Variants in LIMK2 observed in about 807,000 individuals in gnomAD.
LIMK2 encodes LIM domain kinase 2.
Under a neutral mutation model 75.7 loss-of-function variants are expected in LIMK2, and 35 were observed. The ratio of observed to expected loss-of-function variants is 0.46; its 90% CI spans 0.35 to 0.61. LIMK2 has a LOEUF of 0.61. Among genes scored for constraint, LIMK2 ranks in the 20% least tolerant of loss-of-function variants. The probability of loss-of-function intolerance (pLI) is 0.00; values close to 1 mark genes in which losing one functional copy is unlikely to be tolerated. For synonymous variants in LIMK2, 301 were observed against 319.2 expected, an observed-to-expected ratio of 0.94 and a Z score of 0.61; for missense variants, 623 against 831.0, an observed-to-expected ratio of 0.75 and a Z score of 3.08.
At chr22:31,249,000 T>C (rs1339399481) in intron 2 of LIMK2, among the ~76,000 whole-genome samples, 2 of 152,154 alleles carry the variant, frequency 1.3e-5, no homozygotes, top group Admixed American at 6.5e-5. Context: ...GAGCTCCAGC[T>C]CCCCTTCTAT....
intron 9 of LIMK2, among the ~76,000 whole-genome samples, 160 bp downstream of exon 9, chr22:31,267,230 C>T (rs1471244866): frequency 1.3e-5 from 2 of 152,052 alleles, no homozygotes; most frequent in African/African-American, 2.4e-5. Flanking sequence ...TAAATTACAG[C>T]GTAATTATTT....
intron 1 of LIMK2, among the ~76,000 whole-genome samples, chr22:31,214,106 C>G (rs551548792): frequency 6.6e-6 from 1 of 152,078 alleles, no homozygotes; most frequent in Non-Finnish European, 1.5e-5. Flanking sequence ...CGTGAGCCAC[C>G]GCACCCGGCC....
rs765174488 is a variant in LIMK2 at position 31,262,749 on chromosome 22, C to T, written c.812C>T (p.Thr271Ile). 28 of 1,613,622 alleles carry T rather than the reference C, an allele frequency of 1.7e-5. No individual in the cohort carries two copies. Among genetic ancestry groups the T allele is most frequent in the Middle Eastern group, 1.6e-4 (1 of 6,080 alleles). ...GHPHALSTLD[T>I]KENLEGTLRR... ...CCCCACGCCCTCAGCACCCTGGACA[C>T]CAAGGAGAATCTGGAGGGGACACTG... Residue 271 changes from threonine (T) to isoleucine (I), a missense_variant, in exon 7 of 16, where the codon ACC becomes ATC. Around this residue, in one of 3 missense-constraint regions of LIMK2, gnomAD observed 514 missense variants for 661.3 expected, o/e 0.78. Transcript: ENST00000331728. This position sits in a 1 kb window ranked among gnomAD's most constrained non-coding sequence, Gnocchi z 5.0.
In LIMK2 at chr22:31,231,028, G is replaced by A. The variant is rs558899186; in HGVS notation, c.116+5209G>A. ...TACCTACTTCGAGAATAGGGAAATG[G>A]AGGTTACTTGTTTAAAGTCACAGAG... On this transcript the variant is annotated intron_variant, in intron 2 of 15. Transcript: ENST00000331728. Among the ~76,000 whole-genome samples, 5 of 152,320 alleles carry A rather than the reference G, an allele frequency of 3.3e-5. No individual in the cohort carries two copies. In the South Asian group the frequency reaches 1.0e-3, roughly 32 times the overall value.
At chr22:31,247,581 A>T (rs2048682858) in intron 2 of LIMK2, among the ~76,000 whole-genome samples, 1 of 152,170 alleles carries the variant, frequency 6.6e-6, no homozygotes. Flanking sequence ...TTTTCTCCTT[A>T]AAGAGCCAGA....
rs150987670 is a variant in LIMK2, at chr22:31,248,220, C to T, written c.117-10071C>T. ...TGTCTGCAGCGCCTGCCTGCAGCCT[C>T]GATCCAGCCCAGCTCCACCCCTTGC... On this transcript the variant is annotated intron_variant, in intron 2 of 15. Coordinates refer to ENST00000331728, the MANE Select transcript of LIMK2 (RefSeq NM_005569.4). 3,534 of 531,142 alleles carry T rather than the reference C, an allele frequency of 6.7e-3. 32 individuals are homozygous for T. Among genetic ancestry groups the T allele is most frequent in the South Asian group, 0.017 (788 of 47,680 alleles). The allele number at this position is 531,142 out of a possible 1,614,324, so 32.9% of individuals were successfully genotyped here.
chr22:31,273,199 G>A (rs1372879800), intron 13 of LIMK2: 1 of 257,028 alleles, frequency 3.9e-6, no homozygotes, highest in African/African-American at 2.3e-5. Flanking sequence ...ATGAACCCTA[G>A]TCTGGTTCTT....
intron 7 of LIMK2, among the ~76,000 whole-genome samples, chr22:31,265,524 C>G (rs952309134): frequency 3.6e-4 from 54 of 151,194 alleles, no homozygotes; most frequent in African/African-American, 1.2e-3. Context: ...GTTGACAGAG[C>G]GAGACTCTGT....
intron 2 of LIMK2, among the ~76,000 whole-genome samples, chr22:31,231,752 A>T (rs535240886): frequency 1.3e-5 from 2 of 152,338 alleles, no homozygotes; most frequent in Admixed American, 1.3e-4. Context: ...GATAACTGAT[A>T]TTAATTAAAC....
At chr22:31,268,258 G>A (rs2048916532) in intron 11 of LIMK2, 58 bp downstream of exon 11, 2 of 1,430,266 alleles carry the variant, frequency 1.4e-6, no homozygotes, top group Non-Finnish European at 2.0e-6. Flanking sequence ...TGTGAGAATT[G>A]TGGGCTTCAC....
At position 31,275,758 on chromosome 22, in the gene LIMK2, T is replaced by C. The variant is rs534903150; in HGVS notation, c.1772+450T>C. The C allele has an allele frequency of 7.7e-5, 12 of 156,672 alleles. No individual in the cohort carries two copies. The South Asian group carries it at 2.1e-3, about 28-fold the overall frequency. 9.7% of individuals were successfully genotyped at this position (156,672 alleles called of 1,614,324 possible). ...ATTGAGAGACTGTCTGAACATATTG[T>C]AATGTAGATGTTCAGGTTTTTCCAG... is the stretch of plus-strand genomic sequence containing the variant. On this transcript the variant is annotated intron_variant, in intron 15 of 15. Transcript: ENST00000331728.
In LIMK2 at chr22:31,272,667, G is replaced by A; in HGVS notation, c.1521G>A (p.Val507=). The A allele has an allele frequency of 6.2e-7, 1 of 1,613,032 alleles. No homozygotes were observed. Among genetic ancestry groups the A allele is most frequent in the Non-Finnish European group, 8.5e-7 (1 of 1,179,580 alleles). ...KNDRKKRYTV[V]GNPYWMAPEM... ...ACCGCAAGAAGCGCTACACGGTGGT[G>A]GGAAACCCCTACTGGATGGCCCCTG... Residue 507 remains valine (V), a synonymous_variant, in exon 13 of 16, where the codon GTG becomes GTA. Transcript: ENST00000331728.
chr22:31,267,594 G>A (rs2048908819), intron 9 of LIMK2, among the ~76,000 whole-genome samples, 182 bp from the exon 10 acceptor site: 1 of 152,200 alleles, frequency 6.6e-6, no homozygotes, highest in Non-Finnish European at 1.5e-5. Flanking sequence ...GGCCTATGAA[G>A]CCATCTCCAT....
At chr22:31,248,640 G>T (rs774517897) in intron 2 of LIMK2, 12 of 1,613,540 alleles carry the variant, frequency 7.4e-6, no homozygotes, top group Non-Finnish European at 9.3e-6. Flanking sequence ...GGCCTGTCAT[G>T]GTGGCCATCT....
chr22:31,277,373 G>A, intron 15 of LIMK2: 1 of 1,353,254 alleles, frequency 7.4e-7, no homozygotes. Context: ...CTGCGGCACG[G>A]GCCCTTTAAT....
intron 2 of LIMK2, among the ~76,000 whole-genome samples, chr22:31,242,249 C>CA (rs2048629263): frequency 6.6e-6 from 1 of 152,212 alleles, no homozygotes. Flanking sequence ...TCCTGATGAT[C>CA]AGCTCCTTTT....
intron 15 of LIMK2, chr22:31,277,739 G>GT (rs1476160359): frequency 6.2e-6 from 1 of 160,678 alleles, no homozygotes; most frequent in African/African-American, 2.4e-5. Flanking sequence ...TTCTAGCATG[G>GT]TATCTACTGT....
rs1413964832 is a variant in LIMK2, at chr22:31,225,729, T to G, written c.26T>G (p.Val9Gly). The change falls in exon 2 of 16, where the codon GTC (valine) becomes GGC (glycine). Residue 9 changes from valine to glycine, a missense_variant. Transcript: ENST00000331728. ...TTGGTTTTGTGTGCAGGTGAAGATG[T>G]CTGGAGGTGTCCAGGCTGTGGGGAC... MSALAGED[V>G]WRCPGCGDHI... 6.2e-7 allele frequency: 1 copy of G among 1,613,804 alleles called. No homozygotes were observed. The highest frequency in any genetic ancestry group is 1.3e-5 in the African/African-American group (1 of 74,934).
At chr22:31,264,088 CT>C (rs1483011543) in intron 7 of LIMK2, among the ~76,000 whole-genome samples, 1 of 152,172 alleles carries the variant, frequency 6.6e-6, no homozygotes, top group Non-Finnish European at 1.5e-5. Flanking sequence ...ACAGTGCCCT[CT>C]CATTAAAGTG....
Sources: gnomAD v4.1 joint callset for allele counts (sites outside exome capture counted in the v4.1 genomes callset) on GRCh38, gnomAD v4.1.1 for gene constraint, gnomAD v4.1.1 regional missense constraint, Gnocchi (gnomAD v3.1) non-coding constraint, MANE v1.5 for transcripts, NCBI Gene and HGNC (gene_info 2026-07-23, HGNC 2026-07-21) for gene names.